STARD9: variants seen among roughly 807,000 people sequenced by gnomAD.
The protein encoded by STARD9 is StAR related lipid transfer domain containing 9.
STARD9 carries 346 observed loss-of-function variants against 399.8 expected under a neutral mutation model. That is an observed-to-expected ratio of 0.87 (90% CI 0.79 to 0.95). The LOEUF (loss-of-function observed/expected upper bound fraction) is 0.95, where lower values mean the gene tolerates loss of function less well. Ranked by LOEUF, STARD9 falls within the 40% of genes least tolerant of loss-of-function variation. STARD9 has a pLI of 0.00. For synonymous variants in STARD9, 2,203 were observed against 2,143.5 expected (o/e 1.03, Z -0.77); for missense variants, 5,832 against 5,667.5 (o/e 1.03, Z -0.93).
intron 3 of STARD9, among the ~76,000 whole-genome samples, chr15:42,627,993 T>C (rs1162285848): frequency 1.3e-5 from 2 of 152,216 alleles, no homozygotes; most frequent in Admixed American, 6.5e-5. Context: ...AGTGTTTTTT[T>C]TCTGAGGAAC....
At chr15:42,642,214 A>G (rs1456989646) in intron 7 of STARD9, among the ~76,000 whole-genome samples, 3 of 152,214 alleles carry the variant, frequency 2.0e-5, no homozygotes, top group Non-Finnish European at 2.9e-5. Context: ...TCCAGGTGCC[A>G]TGGGAAATAT....
At chr15:42,604,660 A>G (rs952710892) in intron 3 of STARD9, among the ~76,000 whole-genome samples, 10 of 107,024 alleles carry the variant, frequency 9.3e-5, no homozygotes, top group African/African-American at 3.8e-4. Context: ...TTTTTTTGAG[A>G]CAGGGTCTCT....
chr15:42,719,261 C>G (rs545410652), intron 32 of STARD9, among the ~76,000 whole-genome samples: 1 of 152,282 alleles, frequency 6.6e-6, no homozygotes, highest in South Asian at 2.1e-4. Flanking sequence ...TTCACCTCTC[C>G]CGTCCCAGTC....
Position 42,716,724 on chromosome 15 carries a change from G to A in STARD9, c.13332G>A (p.Glu4444=), listed in dbSNP as rs1268013052. The A allele has an allele frequency of 6.5e-7, 1 of 1,537,036 alleles. No individual in the cohort carries two copies. Among genetic ancestry groups the A allele is most frequent in the African/African-American group, 1.4e-5 (1 of 73,042 alleles). Residue 4444 remains glutamate, a synonymous_variant, in exon 27 of 33, where the codon GAG becomes GAA. Transcript: ENST00000290607. ...PDSRDVWIGD[E]RGGHSAVRKN... is the part of the protein sequence containing the mutation. The stretch of plus-strand genomic sequence containing the variant: ...CCAGGGATGTATGGATAGGGGATGA[G>A]CGAGGAGGCCATTCTGCAGTGAGGA...
At position 42,675,755 on chromosome 15, in the gene STARD9, G is replaced by A. The variant is rs182369451; in HGVS notation, c.1770+9G>A. The A allele has an allele frequency of 2.0e-5, 31 of 1,536,862 alleles. No individual in the cohort carries two copies. The East Asian group carries it at 7.1e-4, about 35-fold the overall frequency. ...TGCGGCAGCGAAGGCAGGTTAGCAG[G>A]GCTGTGTTTTCTAGGTTATTGCTGG... On this transcript the variant is annotated intron_variant, in intron 19 of 32. Coordinates refer to ENST00000290607, the MANE Select transcript of STARD9 (RefSeq NM_020759.3).
chr15:42,601,076 A>G (rs529664669), intron 3 of STARD9, among the ~76,000 whole-genome samples: 33 of 152,010 alleles, frequency 2.2e-4, no homozygotes, highest in African/African-American at 8.0e-4. Context: ...ACTCTTAACG[A>G]GTATGCTGCC....
intron 16 of STARD9, chr15:42,670,898 C>CA (rs1008861092): frequency 6.6e-6 from 1 of 152,152 alleles, no homozygotes; most frequent in African/African-American, 2.4e-5. Flanking sequence ...TCCCATTAGT[C>CA]AGAAGCACAG....
rs377237002 is a variant in STARD9 at position 42,626,097 on chromosome 15, T to C, written c.235-8759T>C. 9.2e-5 allele frequency among the ~76,000 whole-genome samples: 14 copies of C among 151,970 alleles called. No homozygotes were observed. In the South Asian group the frequency reaches 2.9e-3, roughly 32 times the overall value. Reference sequence around the variant, plus strand: ...CCACCACGCCTGGCTAATTGTTGTATTTTTTAGTAGAGACAGGGTTTCACC... The same window carrying C: ...CCACCACGCCTGGCTAATTGTTGTACTTTTTAGTAGAGACAGGGTTTCACC... On this transcript the variant is annotated intron_variant, in intron 3 of 32. Coordinates refer to ENST00000290607, the MANE Select transcript of STARD9 (RefSeq NM_020759.3).
At chr15:42,669,589 C>T (rs1396670434) in intron 16 of STARD9, 13 of 349,644 alleles carry the variant, frequency 3.7e-5, no homozygotes, top group Non-Finnish European at 5.3e-5. Context: ...TCTTATGTAA[C>T]TTACTTTTGT....
chr15:42,617,496 G>A (rs2058992025), intron 3 of STARD9, among the ~76,000 whole-genome samples: 1 of 151,976 alleles, frequency 6.6e-6, no homozygotes, highest in South Asian at 2.1e-4. Flanking sequence ...CCGAGTAGCT[G>A]GGACTAGGTG....
intron 26 of STARD9, among the ~76,000 whole-genome samples, chr15:42,696,951 T>C (rs936727398): frequency 6.6e-6 from 1 of 152,206 alleles, no homozygotes; most frequent in African/African-American, 2.4e-5. Context: ...GTTGGAAATA[T>C]AGAGCTCATA....
rs985912461 is a variant in STARD9, at chr15:42,638,099, C to T, written c.446+12C>T. On this transcript the variant is annotated intron_variant, in intron 6 of 32. Transcript: ENST00000290607. Reference sequence around the variant, plus strand: ...AGGATAAAAGTAAGGTAAGAACCTCCCAAGCTCTGGGACCTACAGTAGTTC... The same window carrying T: ...AGGATAAAAGTAAGGTAAGAACCTCTCAAGCTCTGGGACCTACAGTAGTTC... 76 of 1,535,648 alleles carry T rather than the reference C, an allele frequency of 4.9e-5. No homozygotes were observed. The highest frequency in any genetic ancestry group is 6.1e-5 in the Non-Finnish European group (70 of 1,146,362).
At chr15:42,698,161 G>A (rs937090411) in intron 26 of STARD9, among the ~76,000 whole-genome samples, 33 of 152,156 alleles carry the variant, frequency 2.2e-4, no homozygotes, top group African/African-American at 7.7e-4. Flanking sequence ...AACTTGGGTT[G>A]CTTTCAGACT....
In STARD9 at chr15:42,694,607, C is replaced by G. The variant is rs762822771; in HGVS notation, c.12844C>G (p.Pro4282Ala). 6 of 1,537,074 alleles carry G rather than the reference C, an allele frequency of 3.9e-6. No individual in the cohort carries two copies. Among genetic ancestry groups the G allele is most frequent in the African/African-American group, 2.7e-5 (2 of 73,016 alleles). Reference protein sequence around the residue: ...GNFCRTRSLSPQKQLSLLPNK... With the variant: ...GNFCRTRSLSAQKQLSLLPNK... ...CTTCTGCCGGACGCGAAGCCTTAGC[C>G]CTCAGAAACAACTGAGCCTCCTGCC... The change falls in exon 24 of 33, where the codon CCT becomes GCT. Residue 4282 changes from proline (P) to alanine (A), a missense_variant. Transcript: ENST00000290607.
At chr15:42,606,605 A>C (rs1256638342) in intron 3 of STARD9, among the ~76,000 whole-genome samples, 23 of 148,384 alleles carry the variant, frequency 1.6e-4, no homozygotes, top group Admixed American at 1.3e-3. Flanking sequence ...ACAGGTGCGC[A>C]CCACCACACC....
intron 3 of STARD9, among the ~76,000 whole-genome samples, chr15:42,587,501 T>C (rs1476121217): frequency 6.6e-6 from 1 of 152,200 alleles, no homozygotes; most frequent in African/African-American, 2.4e-5. Flanking sequence ...GTCTTCTCTG[T>C]CCTTTTGAAT....
At chr15:42,680,297 A>G (rs2060400336) in intron 20 of STARD9, among the ~76,000 whole-genome samples, 1 of 152,176 alleles carries the variant, frequency 6.6e-6, no homozygotes, top group Non-Finnish European at 1.5e-5. Flanking sequence ...GTAAGGCATG[A>G]CTAAAATCTA....
chr15:42,702,005 A>AAG (rs1162806523), intron 26 of STARD9, among the ~76,000 whole-genome samples: 1 of 150,910 alleles, frequency 6.6e-6, no homozygotes, highest in East Asian at 1.9e-4. Flanking sequence ...AAAAAAAAAA[A>AAG]AAAAAAAAAA....
intron 3 of STARD9, among the ~76,000 whole-genome samples, chr15:42,611,941 G>C (rs1566873364): frequency 6.6e-6 from 1 of 152,144 alleles, no homozygotes; most frequent in African/African-American, 2.4e-5. Flanking sequence ...GAGTTGATCA[G>C]TTAATCTTTG....
Sources: allele counts gnomAD v4.1 joint callset (sites outside exome capture counted in the v4.1 genomes callset), GRCh38; gene constraint gnomAD v4.1.1; transcripts MANE v1.5; gene names NCBI Gene and HGNC (gene_info 2026-07-23, HGNC 2026-07-21).